Variants in HIVEP3 observed in about 807,000 individuals in gnomAD.
The protein encoded by HIVEP3 is HIVEP zinc finger 3.
In HIVEP3, 49 loss-of-function variants were observed where a neutral mutation model predicts 152.8. The observed-to-expected ratio is 0.32, with a 90% CI of 0.26 to 0.41. HIVEP3 has a LOEUF of 0.41. HIVEP3 is among the 10% of genes least tolerant of loss of function. The pLI, the probability that HIVEP3 is intolerant of heterozygous loss-of-function variation, is 1.00. For synonymous variants in HIVEP3, 1,269 were observed against 1,289.0 expected (o/e 0.98, Z 0.33); for missense variants, 2,790 against 3,103.3 (o/e 0.90, Z 2.40).
At chr1:41,699,542 T>A (rs1371719644) in intron 2 of HIVEP3, among the ~76,000 whole-genome samples, 1 of 151,946 alleles carries the variant, frequency 6.6e-6, no homozygotes, top group African/African-American at 2.4e-5. Context: ...CAGGAGGGGG[T>A]GGCCTATTGT....
intron 5 of HIVEP3, among the ~76,000 whole-genome samples, chr1:41,531,913 G>A (rs1643268939): frequency 7.5e-6 from 1 of 133,580 alleles, no homozygotes; most frequent in African/African-American, 2.9e-5. Flanking sequence ...GGGAGATGGA[G>A]GACATGAGAG....
intron 1 of HIVEP3, among the ~76,000 whole-genome samples, chr1:41,942,601 T>C (rs1302543054): frequency 2.0e-5 from 3 of 152,252 alleles, no homozygotes; most frequent in Admixed American, 2.0e-4. Context: ...GTTAGGAATC[T>C]ATCCCAAAGA....
intron 1 of HIVEP3, among the ~76,000 whole-genome samples, chr1:41,834,899 G>A (rs483943): frequency 0.11 from 16,601 of 152,052 alleles, 1,155 homozygotes; most frequent in East Asian, 0.27. Flanking sequence ...CCCTGAGGTG[G>A]GAATGTGCTT....
intron 1 of HIVEP3, among the ~76,000 whole-genome samples, chr1:41,795,367 G>A (rs1366378051): frequency 3.3e-5 from 5 of 152,340 alleles, no homozygotes; most frequent in Non-Finnish European, 4.4e-5. Flanking sequence ...TGTCACAGAA[G>A]TGAAATGCCC....
At chr1:41,891,821 T>C (rs562138071) in intron 1 of HIVEP3, among the ~76,000 whole-genome samples, 203 of 152,330 alleles carry the variant, frequency 1.3e-3, no homozygotes, top group African/African-American at 4.2e-3. Context: ...CTACAGTCAC[T>C]TCTTCCCATG....
At chr1:41,860,126 C>T (rs1447446231) in intron 1 of HIVEP3, among the ~76,000 whole-genome samples, 7 of 152,292 alleles carry the variant, frequency 4.6e-5, no homozygotes, top group South Asian at 4.1e-4. Flanking sequence ...CCAGGATTTC[C>T]CAAGGTGGAT....
intron 1 of HIVEP3, among the ~76,000 whole-genome samples, chr1:41,815,376 A>G (rs1172559158): frequency 3.3e-5 from 5 of 152,160 alleles, no homozygotes. Flanking sequence ...GGAGGCTGAA[A>G]CAAGAGGATG....
chr1:41,623,324 T>C (rs1645071539), intron 3 of HIVEP3, among the ~76,000 whole-genome samples: 1 of 152,124 alleles, frequency 6.6e-6, no homozygotes, highest in Non-Finnish European at 1.5e-5. Flanking sequence ...CTCTCCAAGA[T>C]AAAAAGGTGT....
At chr1:41,692,615 T>A (rs1048211276) in intron 2 of HIVEP3, among the ~76,000 whole-genome samples, 9 of 152,208 alleles carry the variant, frequency 5.9e-5, no homozygotes, top group African/African-American at 2.2e-4. Flanking sequence ...ATTTGCTAAT[T>A]CTGTGTTTGT....
At chr1:41,684,771 A>T (rs947817096) in intron 2 of HIVEP3, among the ~76,000 whole-genome samples, 1 of 152,224 alleles carries the variant, frequency 6.6e-6, no homozygotes, top group African/African-American at 2.4e-5. Context: ...GGCTCTTGAC[A>T]TCATTGACTA....
At chr1:41,757,147 G>C (rs191959531) in intron 1 of HIVEP3, among the ~76,000 whole-genome samples, 130 of 143,702 alleles carry the variant, frequency 9.0e-4, no homozygotes, top group African/African-American at 3.3e-3. Flanking sequence ...ATGGAATCTC[G>C]CTCTGTGGCC....
intron 5 of HIVEP3, among the ~76,000 whole-genome samples, chr1:41,540,962 C>T (rs1643515734): frequency 6.6e-6 from 1 of 152,130 alleles, no homozygotes; most frequent in African/African-American, 2.4e-5. Context: ...ACTGGTGCTC[C>T]AGACATAAAC....
chr1:41,690,632 T>A (rs1017767334), intron 2 of HIVEP3, among the ~76,000 whole-genome samples: 1 of 152,106 alleles, frequency 6.6e-6, no homozygotes, highest in Admixed American at 6.5e-5. Context: ...AAAGCATGGA[T>A]TCTGGCCCGG....
chr1:41,546,984 C>T (rs1240878705), intron 5 of HIVEP3, among the ~76,000 whole-genome samples: 2 of 152,204 alleles, frequency 1.3e-5, no homozygotes, highest in Non-Finnish European at 2.9e-5. Flanking sequence ...TGCAGATCTA[C>T]GCAGTGCTCA....
chr1:41,689,489 G>A (rs1007884288), intron 2 of HIVEP3, among the ~76,000 whole-genome samples: 5 of 152,332 alleles, frequency 3.3e-5, no homozygotes, highest in South Asian at 4.1e-4. Context: ...AGTTGTCATA[G>A]TAACCAGGAC....
Position 41,555,326 on chromosome 1 carries a change from T to TG in HIVEP3, c.5207+20217dup, listed in dbSNP as rs556579779. ...CCAGGCGCAGAATATAATGTCCTGG[T>TG]GTGCCGTTTGCTAAGACCATTGGAA... is the stretch of plus-strand genomic sequence containing the variant. On this transcript the variant is annotated intron_variant, in intron 5 of 8. Coordinates refer to ENST00000372583, the MANE Select transcript of HIVEP3 (RefSeq NM_024503.5). Among the ~76,000 whole-genome samples the TG allele has an allele frequency of 1.9e-3, 295 of 152,354 alleles. 2 individuals carry two copies. Among genetic ancestry groups the TG allele is most frequent in the Middle Eastern group, 0.01 (3 of 294 alleles).
chr1:41,776,436 C>G (rs1304429953), intron 1 of HIVEP3, among the ~76,000 whole-genome samples: 1 of 152,244 alleles, frequency 6.6e-6, no homozygotes, highest in Non-Finnish European at 1.5e-5. Flanking sequence ...GGGGCAGGGT[C>G]AGGCTGACTG....
intron 3 of HIVEP3, among the ~76,000 whole-genome samples, chr1:41,602,199 GTTTTC>G (rs1644758268): frequency 2.0e-5 from 3 of 152,224 alleles, no homozygotes; most frequent in East Asian, 1.9e-4. Context: ...TTAGCCTGTA[GTTTTC>G]TTTTCTTGTG....
Position 41,510,944 on chromosome 1 carries a change from CG to C in HIVEP3, c.6727del (p.Arg2243AlafsTer239). On this transcript the variant is annotated frameshift_variant, in exon 9 of 9. Coordinates refer to ENST00000372583, the MANE Select transcript of HIVEP3 (RefSeq NM_024503.5). LOFTEE classifies it high-confidence loss of function. ...TGACGAGCTCTCAGTGGGACTCCAGCGGCCTCGCTCCTGGGCCTCCCGGGCC... is the reference window on the plus strand; with the variant it reads ...TGACGAGCTCTCAGTGGGACTCCAGCGCCTCGCTCCTGGGCCTCCCGGGCC... Reference protein sequence around the residue: ...TGAREAQERGRWSPTESSSAS... With the variant: ...TGAREAQERGXWSPTESSSAS... The C allele has an allele frequency of 6.2e-7, 1 of 1,613,572 alleles. No individual in the cohort carries two copies. Among genetic ancestry groups the C allele is most frequent in the African/African-American group, 1.3e-5 (1 of 75,036 alleles).
Sources: gnomAD v4.1 joint callset for allele counts (sites outside exome capture counted in the v4.1 genomes callset) on GRCh38, gnomAD v4.1.1 for gene constraint, MANE v1.5 for transcripts, NCBI Gene and HGNC (gene_info 2026-07-23, HGNC 2026-07-21) for gene names.